The following LITAF variants were observed in gnomAD, a reference collection of about 807,000 sequenced individuals.
The protein encoded by LITAF is lipopolysaccharide-induced tumor necrosis factor-alpha factor.
LITAF carries 9 observed loss-of-function variants against 14.5 expected under a neutral mutation model. The observed-to-expected ratio is 0.62, with a 90% CI of 0.37 to 1.08. LITAF has a LOEUF of 1.08. LITAF is among the 50% of genes least tolerant of loss of function. The probability of loss-of-function intolerance (pLI) is 0.01; values close to 1 mark genes in which losing one functional copy is unlikely to be tolerated. For synonymous variants in LITAF, 98 were observed against 88.2 expected (o/e 1.11, Z -0.62); for missense variants, 206 against 213.4 (o/e 0.97, Z 0.22).
rs1187120208 is a variant in LITAF, at chr16:11,553,947, A to G, written c.221-258T>C. Among the ~76,000 whole-genome samples, 2 of 152,146 alleles carry G rather than the reference A, an allele frequency of 1.3e-5. No individual in the cohort carries two copies. The highest frequency in any genetic ancestry group is 2.9e-5 in the Non-Finnish European group (2 of 68,026). ...TATGATTCAGCCTCAAAAAGAAAGGAGGACCGGGCGCGGTAGCTCATGCCT... is the reference window on the plus strand; with the variant it reads ...TATGATTCAGCCTCAAAAAGAAAGGGGGACCGGGCGCGGTAGCTCATGCCT... On this transcript the variant is annotated intron_variant, in intron 2 of 3. Coordinates refer to ENST00000622633, the MANE Select transcript of LITAF (RefSeq NM_001136472.2). This position sits in a 1 kb window ranked among gnomAD's most constrained non-coding sequence, Gnocchi z 7.7.
At chr16:11,596,637 G>A (rs1358411407) in intron 1 of LITAF, among the ~76,000 whole-genome samples, 2 of 81,418 alleles carry the variant, frequency 2.5e-5, no homozygotes, top group African/African-American at 1.0e-4. Context: ...GAGAGGAGGG[G>A]AAAAGGATGA....
chr16:11,630,091 G>A (rs989850746), intron 3 of LITAF, among the ~76,000 whole-genome samples: 9 of 152,132 alleles, frequency 5.9e-5, no homozygotes, highest in African/African-American at 1.4e-4. Context: ...AGTGCAAGGC[G>A]GGCACACAGG....
At chr16:11,597,603 A>T (rs1294357355) in intron 1 of LITAF, among the ~76,000 whole-genome samples, 2 of 152,208 alleles carry the variant, frequency 1.3e-5, no homozygotes, top group African/African-American at 2.4e-5. Flanking sequence ...GTCCATGCTC[A>T]GCCCCCATGC....
chr16:11,617,139 G>C lies in LITAF; in HGVS notation c.85+16394C>G, dbSNP rs9928040. Among the ~76,000 whole-genome samples, 1,410 of 152,104 alleles carry C rather than the reference G, an allele frequency of 9.3e-3. 17 individuals are homozygous for C. The highest frequency in any genetic ancestry group is 0.03 in the African/African-American group (1,241 of 41,482). On this transcript the variant is annotated intron_variant, in intron 3 of 3. Coordinates refer to the LITAF transcript ENST00000574848. ...AGAGGCTGAGGCAGGAGGATCGCTT[G>C]AACCCGGGAGGCAGTAGTTGCAGTG...
intron 3 of LITAF, among the ~76,000 whole-genome samples, chr16:11,626,892 GAGTGCAGTGGCACGATC>G (rs1489228010): frequency 6.6e-6 from 1 of 151,748 alleles, no homozygotes; most frequent in East Asian, 1.9e-4. Flanking sequence ...GCTCAGGATG[GAGTGCAGTGGCACGATC>G]TTGGCTCACT....
chr16:11,554,113 T>C (rs2141704346), intron 2 of LITAF, among the ~76,000 whole-genome samples: 1 of 152,266 alleles, frequency 6.6e-6, no homozygotes, highest in East Asian at 1.9e-4. Flanking sequence ...ACGCCTGTAG[T>C]CCCAGCTACT....
At chr16:11,637,014 C>T (rs148256207), upstream of LITAF, among the ~76,000 whole-genome samples, 496 of 152,004 alleles carry the variant, frequency 3.3e-3, 2 homozygotes, top group Middle Eastern at 0.031. Flanking sequence ...GGATTACAGG[C>T]GCACACCACC....
chr16:11,549,654 T>C lies in LITAF; in HGVS notation c.469A>G (p.Thr157Ala), dbSNP rs770657396. 2 of 1,613,078 alleles carry C rather than the reference T, an allele frequency of 1.2e-6. No individual in the cohort carries two copies. The highest frequency in any genetic ancestry group is 1.7e-6 in the Non-Finnish European group (2 of 1,179,574). ...YCPNCRALLG[T>A]YKRL The stretch of plus-strand genomic sequence containing the variant: ...GCTGAGTCCTACAAACGCTTGTAGG[T>C]GCCCAGGAGAGCTCTGCAGTTGGGA... Residue 157 changes from threonine to alanine, a missense_variant, in exon 4 of 4, where the codon ACC becomes GCC. Thr to Ala is a moderately conservative substitution (Grantham distance 58). Coordinates refer to ENST00000622633, the MANE Select transcript of LITAF (RefSeq NM_001136472.2). This position sits in a 1 kb window ranked among gnomAD's most constrained non-coding sequence, Gnocchi z 4.6.
intron 1 of LITAF, among the ~76,000 whole-genome samples, chr16:11,581,518 G>T (rs1202467953): frequency 2.0e-5 from 3 of 152,134 alleles, no homozygotes; most frequent in East Asian, 1.9e-4. Context: ...TGGTGGCTGA[G>T]GTGGAAGGAT....
chr16:11,628,144 G>A (rs2065095826), intron 3 of LITAF, among the ~76,000 whole-genome samples: 2 of 152,034 alleles, frequency 1.3e-5, no homozygotes, highest in Admixed American at 1.3e-4. Context: ...CCCATTCTGT[G>A]GTAATGAATC....
chr16:11,627,999 G>A (rs1335166029), intron 3 of LITAF, among the ~76,000 whole-genome samples: 11 of 121,264 alleles, frequency 9.1e-5, no homozygotes, highest in Non-Finnish European at 1.6e-4. Flanking sequence ...GCGACAGAGT[G>A]AGACTCTGTC....
intron 2 of LITAF, among the ~76,000 whole-genome samples, chr16:11,555,020 A>G (rs1316681060): frequency 6.6e-6 from 1 of 152,120 alleles, no homozygotes; most frequent in Non-Finnish European, 1.5e-5. Flanking sequence ...ATCATACTTT[A>G]GCACTTACGT....
intron 1 of LITAF, among the ~76,000 whole-genome samples, chr16:11,564,279 C>T (rs942635517): frequency 2.6e-5 from 4 of 151,996 alleles, no homozygotes; most frequent in Admixed American, 6.6e-5. Context: ...TCAGACCCAG[C>T]GATCATCCGT....
Position 11,558,885 on chromosome 16 carries a change from G to C in LITAF, c.-5-2150C>G, listed in dbSNP as rs1319696126. 1.3e-5 allele frequency among the ~76,000 whole-genome samples: 2 copies of C among 152,276 alleles called. No homozygotes were observed. Among genetic ancestry groups the C allele is most frequent in the African/African-American group, 4.8e-5 (2 of 41,570 alleles). On this transcript the variant is annotated intron_variant, in intron 1 of 3. Transcript: ENST00000622633. This position sits in a 1 kb window ranked among gnomAD's most constrained non-coding sequence, Gnocchi z 4.1. ...GCTGTCCAACAGAATCTTCTGTGAG[G>C]ATGGAAATGCTCTGTATCTGCTGCC...
At chr16:11,575,505 T>TG (rs1813808125) in intron 1 of LITAF, 1 of 152,210 alleles carries the variant, frequency 6.6e-6, no homozygotes, top group South Asian at 2.1e-4. Flanking sequence ...CCTGGGTTTA[T>TG]GGGGGACCCC....
chr16:11,567,010 TC>T (rs2064460958), intron 1 of LITAF, among the ~76,000 whole-genome samples: 1 of 152,186 alleles, frequency 6.6e-6, no homozygotes, highest in Non-Finnish European at 1.5e-5. Flanking sequence ...AGAACTGGAA[TC>T]CGTGAATTGA....
intron 1 of LITAF, among the ~76,000 whole-genome samples, chr16:11,574,833 C>T (rs1048391082): frequency 2.6e-5 from 4 of 151,864 alleles, no homozygotes; most frequent in Non-Finnish European, 4.4e-5. Flanking sequence ...GACAGAGTCT[C>T]ATTCTGTGGC....
intron 3 of LITAF, among the ~76,000 whole-genome samples, chr16:11,550,521 G>C (rs890637946): frequency 6.6e-6 from 1 of 152,206 alleles, no homozygotes; most frequent in Admixed American, 6.5e-5. Context: ...CAATGCCAAG[G>C]CTCCTCCTAC....
At chr16:11,587,337 C>A (rs1228358477), upstream of LITAF, 13 of 451,420 alleles carry the variant, frequency 2.9e-5, no homozygotes, top group South Asian at 2.0e-4. Context: ...GGACCACCAA[C>A]CTCGACCCCG....
Sources: gnomAD v4.1 joint callset for allele counts (sites outside exome capture counted in the v4.1 genomes callset) on GRCh38, gnomAD v4.1.1 for gene constraint, Gnocchi (gnomAD v3.1) non-coding constraint, MANE v1.5 for transcripts, NCBI Gene and HGNC (gene_info 2026-07-23, HGNC 2026-07-21) for gene names.